Variants in BTNL2 observed in about 807,000 individuals in gnomAD.
BTNL2 encodes the protein butyrophilin like 2.
A neutral mutation model predicts 46.8 loss-of-function variants in BTNL2; 46 were observed. That is an observed-to-expected ratio of 0.98 (90% CI 0.78 to 1.26). The LOEUF (loss-of-function observed/expected upper bound fraction) is 1.26. Ranked by LOEUF, BTNL2 falls within the 50% of genes most tolerant of loss-of-function variation. BTNL2 has a pLI of 0.00. For synonymous variants in BTNL2, 226 were observed against 229.1 expected, an observed-to-expected ratio of 0.99 and a Z score of 0.12; for missense variants, 461 against 592.6, an observed-to-expected ratio of 0.78 and a Z score of 2.31.
intron 3 of BTNL2, among the ~76,000 whole-genome samples, chr6:32,402,454 TG>T (rs1776842805): frequency 6.6e-6 from 1 of 152,168 alleles, no homozygotes; most frequent in Admixed American, 6.5e-5. Context: ...TTTTTATTAA[TG>T]CTATAATGTA....
In BTNL2 at chr6:32,394,201, C is replaced by A; in HGVS notation, c.1361-144G>T. 1 of 1,185,064 alleles carries A rather than the reference C, an allele frequency of 8.4e-7. No homozygotes were observed. Among genetic ancestry groups the A allele is most frequent in the Non-Finnish European group, 1.2e-6 (1 of 860,774 alleles). The allele number at this position is 1,185,064 out of a possible 1,614,324, so 73.4% of individuals were successfully genotyped here. Reference sequence around the variant, plus strand: ...AGCAGTTGGCCTGCTCCTCCCTGCTCTGGAGATGCAGAGGAGAGAATGCAA... The same window carrying A: ...AGCAGTTGGCCTGCTCCTCCCTGCTATGGAGATGCAGAGGAGAGAATGCAA... On this transcript the variant is annotated intron_variant, in intron 6 of 7. Transcript: ENST00000454136. The surrounding 1 kb of genome is among the most constrained non-coding windows in gnomAD (Gnocchi z 4.6).
At position 32,396,389 on chromosome 6, in the gene BTNL2, G is replaced by GT; in HGVS notation, c.731-4dup. On this transcript the variant is annotated splice_region_variant and splice_polypyrimidine_tract_variant and intron_variant, in intron 4 of 7. Transcript: ENST00000454136. The surrounding 1 kb of genome is among the most constrained non-coding windows in gnomAD (Gnocchi z 4.4). ...AGGTCCATTCACTTTTAAAGAAGCT[G>GT]TTAAATAGAGTGGACAAAACACAAT... 1 of 1,608,180 alleles carries GT rather than the reference G, an allele frequency of 6.2e-7. No individual in the cohort carries two copies. The highest frequency in any genetic ancestry group is 8.5e-7 in the Non-Finnish European group (1 of 1,176,572).
chr6:32,401,842 G>A (rs750325718), intron 3 of BTNL2, 37 bp from the exon 4 acceptor site: 15 of 1,587,390 alleles, frequency 9.4e-6, no homozygotes, highest in Non-Finnish European at 1.2e-5. Context: ...TAAGGAATTT[G>A]GTGTAAGGGA....
chr6:32,407,108 C>T lies in BTNL2; in HGVS notation c.16G>A (p.Gly6Ser). 3 of 1,612,994 alleles carry T rather than the reference C, an allele frequency of 1.9e-6. No homozygotes were observed. Among genetic ancestry groups the T allele is most frequent in the Non-Finnish European group, 2.5e-6 (3 of 1,179,990 alleles). MVDFPGYNLSGAVASF... is the reference protein window; with the variant it reads MVDFPSYNLSGAVASF... Reference sequence around the variant, plus strand: ...GCGACTGCACCAGACAGATTGTAGCCTGGAAAATCCACCATCCTCCCTGGA... The same window carrying T: ...GCGACTGCACCAGACAGATTGTAGCTTGGAAAATCCACCATCCTCCCTGGA... Residue 6 changes from glycine to serine, a missense_variant, in exon 1 of 8, where the codon GGC (glycine) becomes AGC (serine). Physicochemically the swap from Gly to Ser is moderately conservative, Grantham distance 56 (BLOSUM62 0). Coordinates refer to ENST00000454136, the MANE Select transcript of BTNL2 (RefSeq NM_001304561.2).
intron 1 of BTNL2, 101 bp downstream of exon 1, chr6:32,406,944 T>G (rs1329492264): frequency 9.5e-6 from 10 of 1,055,370 alleles, no homozygotes; most frequent in Non-Finnish European, 9.7e-6. Flanking sequence ...ACAGGTGGCT[T>G]GGCCCCAGAC....
chr6:32,401,659 A>G lies in BTNL2; in HGVS notation c.730+126T>C. The G allele has an allele frequency of 1.1e-5, 9 of 831,368 alleles. No homozygotes were observed. The South Asian group carries it at 1.8e-4, about 16-fold the overall frequency. 51.5% of individuals were successfully genotyped at this position (831,368 alleles called of 1,614,324 possible). ...TGGTCTCCTCTGGTATTTAATGAAC[A>G]TAGGACCTGGTAAAATCGTGCCTCA... is the stretch of plus-strand genomic sequence containing the variant. On this transcript the variant is annotated intron_variant, in intron 4 of 7. Transcript: ENST00000454136.
In BTNL2 at chr6:32,396,266, C is replaced by G. The variant is rs758333883; in HGVS notation, c.851G>C (p.Arg284Pro). ...NAQSMEVRWD[R>P]SHRYPAVHVY... ...ATGCACAGCAGGGTAACGGTGGGAT[C>G]GGTCCCACCTCACCTCCATGCTCTG... The change falls in exon 5 of 8, where the codon CGA becomes CCA. Residue 284 changes from arginine (R) to proline (P), a missense_variant. Coordinates refer to ENST00000454136, the MANE Select transcript of BTNL2 (RefSeq NM_001304561.2). This position sits in a 1 kb window ranked among gnomAD's most constrained non-coding sequence, Gnocchi z 4.4. The G allele has an allele frequency of 6.2e-7, 1 of 1,613,026 alleles. No individual in the cohort carries two copies. Among genetic ancestry groups the G allele is most frequent in the South Asian group, 1.1e-5 (1 of 91,068 alleles).
intron 1 of BTNL2, among the ~76,000 whole-genome samples, chr6:32,405,921 G>T (rs3806156): frequency 0.36 from 54,868 of 151,712 alleles, 9,995 homozygotes; most frequent in East Asian, 0.46. Context: ...GCTGGATTAA[G>T]GACACTGGTT....
At position 32,399,148 on chromosome 6, in the gene BTNL2, A is replaced by G. The variant is rs117936850; in HGVS notation, c.730+2637T>C. 0.017 allele frequency among the ~76,000 whole-genome samples: 2,664 copies of G among 152,246 alleles called. 78 individuals are homozygous for G. Among genetic ancestry groups the G allele is most frequent in the East Asian group, 0.11 (568 of 5,184 alleles). On this transcript the variant is annotated intron_variant, in intron 4 of 7. Coordinates refer to ENST00000454136, the MANE Select transcript of BTNL2 (RefSeq NM_001304561.2). This position sits in a 1 kb window ranked among gnomAD's most constrained non-coding sequence, Gnocchi z 5.2. ...ATGCATCCATGTGTTCTCACCAATC[A>G]GCTCCCCCTTATAAGTGTGAACATG...
intron 1 of BTNL2, chr6:32,406,349 T>C (rs1777143703): frequency 6.6e-6 from 1 of 152,382 alleles, no homozygotes; most frequent in South Asian, 2.1e-4. Context: ...ACACCAGCTC[T>C]GCAGCGCCAA....
In BTNL2 at chr6:32,404,921, C is replaced by T. The variant is rs751090419; in HGVS notation, c.427+18G>A. 4.4e-6 allele frequency: 7 copies of T among 1,606,438 alleles called. No homozygotes were observed. The highest frequency in any genetic ancestry group is 6.0e-6 in the Non-Finnish European group (7 of 1,174,318). On this transcript the variant is annotated intron_variant, in intron 2 of 7. Transcript: ENST00000454136. ...ATCTCTGCCTCTTGAGACCCTGTGT[C>T]TTTCCCCAGATATTCACCTGCTACT... is the stretch of plus-strand genomic sequence containing the variant.
chr6:32,406,867 C>G, intron 1 of BTNL2, 178 bp downstream of exon 1: 1 of 563,006 alleles, frequency 1.8e-6, no homozygotes, highest in Non-Finnish European at 3.2e-6. Context: ...AAAGGTGACT[C>G]AGCTAGGAGT....
chr6:32,401,814 A>G lies in BTNL2; in HGVS notation c.710-9T>C, dbSNP rs1776799732. 3.1e-6 allele frequency: 5 copies of G among 1,610,240 alleles called. No homozygotes were observed. Among genetic ancestry groups the G allele is most frequent in the Non-Finnish European group, 4.2e-6 (5 of 1,177,954 alleles). ...CTCAGTCTGGAGTTTCTCTGGAAAA[A>G]GAACAAGAATAACATATTAAGGAAT... On this transcript the variant is annotated splice_polypyrimidine_tract_variant and intron_variant, in intron 3 of 7. Transcript: ENST00000454136.
chr6:32,401,447 C>T (rs1278993533), intron 4 of BTNL2, among the ~76,000 whole-genome samples: 1 of 151,976 alleles, frequency 6.6e-6, no homozygotes, highest in Middle Eastern at 3.2e-3. Context: ...GGCCTCCAGG[C>T]CCCGGCCAGC....
Position 32,394,354 on chromosome 6 carries a change from A to G in BTNL2, c.1361-297T>C, listed in dbSNP as rs969877731. 6.6e-6 allele frequency among the ~76,000 whole-genome samples: 1 copy of G among 152,234 alleles called. No homozygotes were observed. The highest frequency in any genetic ancestry group is 2.4e-5 in the African/African-American group (1 of 41,472). On this transcript the variant is annotated intron_variant, in intron 6 of 7. Coordinates refer to ENST00000454136, the MANE Select transcript of BTNL2 (RefSeq NM_001304561.2). The surrounding 1 kb of genome is among the most constrained non-coding windows in gnomAD (Gnocchi z 4.6). ...AAAGGATAAAATTACTCAAGCCGCA[A>G]CCATGAAGATGGTATTAATAAAAAT...
chr6:32,405,584 AT>A, intron 1 of BTNL2: 1 of 417,860 alleles, frequency 2.4e-6, no homozygotes, highest in Non-Finnish European at 4.5e-6. Context: ...TGAAGTCCTA[AT>A]TTCTTCATCT....
intron 5 of BTNL2, 106 bp from the exon 6 acceptor site, chr6:32,395,131 G>A: frequency 8.1e-7 from 1 of 1,229,622 alleles, no homozygotes. Flanking sequence ...GGGGAAGGGA[G>A]AAAAGCTTAA....
chr6:32,399,677 G>A lies in BTNL2; in HGVS notation c.730+2108C>T, dbSNP rs1776635719. Among the ~76,000 whole-genome samples the A allele has an allele frequency of 6.6e-6, 1 of 152,172 alleles. No homozygotes were observed. The highest frequency in any genetic ancestry group is 2.4e-5 in the African/African-American group (1 of 41,438). ...TAAGATTGTTTCTTAGCTGTAATAT[G>A]AGGATAAAGCAATTAAACTTTATAA... is the stretch of plus-strand genomic sequence containing the variant. On this transcript the variant is annotated intron_variant, in intron 4 of 7. Transcript: ENST00000454136. This position sits in a 1 kb window ranked among gnomAD's most constrained non-coding sequence, Gnocchi z 5.2.
rs189567403 is a variant in BTNL2 at position 32,397,558 on chromosome 6, A to C, written c.731-1172T>G. Among the ~76,000 whole-genome samples, 812 of 152,280 alleles carry C rather than the reference A, an allele frequency of 5.3e-3. 9 individuals are homozygous for C. Among genetic ancestry groups the C allele is most frequent in the African/African-American group, 0.018 (767 of 41,550 alleles). On this transcript the variant is annotated intron_variant, in intron 4 of 7. Transcript: ENST00000454136. ...TCTAAAGTTTTTCTTCTAACACTTC[A>C]ATTCTGTATGATTTTAAACTACTTC...
Sources: gnomAD v4.1 joint callset for allele counts (sites outside exome capture counted in the v4.1 genomes callset) on GRCh38, gnomAD v4.1.1 for gene constraint, Gnocchi (gnomAD v3.1) non-coding constraint, MANE v1.5 for transcripts, NCBI Gene and HGNC (gene_info 2026-07-23, HGNC 2026-07-21) for gene names.